Variants in TBK1 observed in about 807,000 individuals in gnomAD.
TBK1 encodes the protein TANK binding kinase 1.
In TBK1, 37 loss-of-function variants were observed where a neutral mutation model predicts 99.9. The ratio of observed to expected loss-of-function variants is 0.37; its 90% CI spans 0.28 to 0.49. The LOEUF (loss-of-function observed/expected upper bound fraction) is 0.49. Ranked by LOEUF, TBK1 falls within the 20% of genes least tolerant of loss-of-function variation. The probability of loss-of-function intolerance (pLI) is 0.98; values close to 1 mark genes in which losing one functional copy is unlikely to be tolerated. For synonymous variants in TBK1, 258 were observed against 279.8 expected, an observed-to-expected ratio of 0.92 and a Z score of 0.78; for missense variants, 644 against 872.5, an observed-to-expected ratio of 0.74 and a Z score of 3.30.
chr12:64,456,235 C>T (rs553136966), intron 2 of TBK1, among the ~76,000 whole-genome samples: 1 of 152,258 alleles, frequency 6.6e-6, no homozygotes, highest in South Asian at 2.1e-4. Context: ...CTTTCCCCAG[C>T]CCAGCTCCCT....
intron 9 of TBK1, among the ~76,000 whole-genome samples, chr12:64,484,724 C>T (rs1004359117): frequency 5.3e-5 from 8 of 152,102 alleles, no homozygotes; most frequent in Non-Finnish European, 1.0e-4. Flanking sequence ...TGCACTCCAG[C>T]CTGGGAGACA....
At chr12:64,496,079 A>G (rs2040922459) in intron 15 of TBK1, 1 of 359,982 alleles carries the variant, frequency 2.8e-6, no homozygotes, top group Non-Finnish European at 5.0e-6. Context: ...CACTACTCAT[A>G]TTCACCAAAG....
chr12:64,492,507 T>C (rs534226422), intron 13 of TBK1, among the ~76,000 whole-genome samples: 3 of 152,154 alleles, frequency 2.0e-5, no homozygotes, highest in African/African-American at 7.2e-5. Flanking sequence ...GGTTTCTCCA[T>C]GTTGGTCAGG....
intron 5 of TBK1, among the ~76,000 whole-genome samples, chr12:64,468,556 TGC>T (rs1220710469): frequency 1.3e-5 from 2 of 152,002 alleles, no homozygotes; most frequent in East Asian, 3.9e-4. Flanking sequence ...ATTTATGAAG[TGC>T]CTACTATATA....
intron 3 of TBK1, among the ~76,000 whole-genome samples, chr12:64,463,857 G>GTT (rs372307706): frequency 4.1e-5 from 5 of 122,862 alleles, no homozygotes; most frequent in African/African-American, 1.2e-4. Flanking sequence ...GAAAATGTTA[G>GTT]TTTTTTTTTT....
intron 2 of TBK1, among the ~76,000 whole-genome samples, chr12:64,458,849 A>G (rs2136055516): frequency 6.6e-6 from 1 of 152,284 alleles, no homozygotes; most frequent in East Asian, 1.9e-4. Flanking sequence ...CTGAGGGAAA[A>G]ACAGTGAAAC....
intron 4 of TBK1, among the ~76,000 whole-genome samples, chr12:64,464,845 C>G (rs2040585931): frequency 6.6e-6 from 1 of 152,088 alleles, no homozygotes; most frequent in Non-Finnish European, 1.5e-5. Flanking sequence ...TAAAAAAAAG[C>G]TCAACATTAA....
intron 5 of TBK1, among the ~76,000 whole-genome samples, chr12:64,472,593 TCTGTTAGGTTTTGTGAG>T (rs1324709007): frequency 6.6e-6 from 1 of 152,184 alleles, no homozygotes; most frequent in East Asian, 1.9e-4. Flanking sequence ...CATCAGAATA[TCTGTTAGGTTTTGTGAG>T]CTCCTAAACA....
At chr12:64,472,783 T>C (rs902413659) in intron 5 of TBK1, among the ~76,000 whole-genome samples, 1 of 152,146 alleles carries the variant, frequency 6.6e-6, no homozygotes, top group Admixed American at 6.5e-5. Context: ...TGATGAGCTA[T>C]TTTAAAAAAA....
At chr12:64,473,541 C>T (rs1460843139) in intron 5 of TBK1, among the ~76,000 whole-genome samples, 1 of 152,070 alleles carries the variant, frequency 6.6e-6, no homozygotes, top group Admixed American at 6.6e-5. Flanking sequence ...CTGGAATTGG[C>T]AAGATGATAT....
At chr12:64,464,850 CATTA>C (rs775331411) in intron 4 of TBK1, among the ~76,000 whole-genome samples, 2 of 152,114 alleles carry the variant, frequency 1.3e-5, no homozygotes, top group Non-Finnish European at 2.9e-5. Flanking sequence ...AAAAGCTCAA[CATTA>C]ATTAATTAAT....
intron 2 of TBK1, among the ~76,000 whole-genome samples, chr12:64,457,045 A>T (rs550402339): frequency 6.6e-6 from 1 of 152,178 alleles, no homozygotes; most frequent in South Asian, 2.1e-4. Flanking sequence ...TTTCAGTGCT[A>T]TGAATTTGTT....
At position 64,484,700 on chromosome 12, in the gene TBK1, C is replaced by T. The variant is rs549677560; in HGVS notation, c.1189+201C>T. Among the ~76,000 whole-genome samples, 18 of 152,064 alleles carry T rather than the reference C, an allele frequency of 1.2e-4. No homozygotes were observed. In the East Asian group the frequency reaches 3.1e-3, roughly 26 times the overall value. On this transcript the variant is annotated intron_variant, in intron 9 of 20. Coordinates refer to ENST00000331710, the MANE Select transcript of TBK1 (RefSeq NM_013254.4). Reference sequence around the variant, plus strand: ...CCAAGAGGCAGAGGTTGCAGTAAGCCGAGATTGCACCACTGCACTCCAGCC... The same window carrying T: ...CCAAGAGGCAGAGGTTGCAGTAAGCTGAGATTGCACCACTGCACTCCAGCC...
intron 15 of TBK1, 139 bp downstream of exon 15, chr12:64,495,914 G>A: frequency 1.1e-5 from 6 of 529,790 alleles, no homozygotes; most frequent in South Asian, 7.3e-5. Flanking sequence ...TCAGGAAAAA[G>A]GTTGATTGTG....
intron 8 of TBK1, chr12:64,484,010 TACACACACACACACACACACACAC>T (rs71092971): frequency 1.1e-3 from 165 of 155,190 alleles, no homozygotes; most frequent in Non-Finnish European, 2.0e-3. Flanking sequence ...CTGTCTCACA[TACACACACACACACACACACACAC>T]ACACACACAC....
chr12:64,495,293 TATC>T, intron 13 of TBK1, 187 bp from the exon 14 acceptor site: 1 of 577,466 alleles, frequency 1.7e-6, no homozygotes, highest in East Asian at 3.2e-5. Context: ...CATGTTTTAT[TATC>T]ATACTGTACC....
At chr12:64,470,031 G>A (rs558087221) in intron 5 of TBK1, among the ~76,000 whole-genome samples, 2 of 152,248 alleles carry the variant, frequency 1.3e-5, no homozygotes, top group African/African-American at 2.4e-5. Flanking sequence ...AGCTGTAAAG[G>A]CCTGGAGACA....
At chr12:64,478,136 G>A (rs2040734082) in intron 6 of TBK1, among the ~76,000 whole-genome samples, 1 of 151,936 alleles carries the variant, frequency 6.6e-6, no homozygotes, top group Admixed American at 6.6e-5. Context: ...TTATATATTT[G>A]GCCCTATCTT....
Position 64,496,352 on chromosome 12 carries a change from T to G in TBK1, c.1721-15T>G. The G allele has an allele frequency of 8.8e-7, 1 of 1,130,862 alleles. No individual in the cohort carries two copies. The highest frequency in any genetic ancestry group is 1.3e-6 in the Non-Finnish European group (1 of 790,840). The allele number at this position is 1,130,862 out of a possible 1,614,324, so 70.1% of individuals were successfully genotyped here. On this transcript the variant is annotated splice_polypyrimidine_tract_variant and intron_variant, in intron 15 of 20. Coordinates refer to ENST00000331710, the MANE Select transcript of TBK1 (RefSeq NM_013254.4). ...ATTCTATATTAACAACAGTAATATA[T>G]TTTCCTATTTCTAGGATTAGCTTAT...
Sources: allele counts gnomAD v4.1 joint callset (sites outside exome capture counted in the v4.1 genomes callset), GRCh38; gene constraint gnomAD v4.1.1; transcripts MANE v1.5; gene names NCBI Gene and HGNC (gene_info 2026-07-23, HGNC 2026-07-21).